Variants in CHD5 observed in about 807,000 individuals in gnomAD.
CHD5 encodes the protein chromodomain helicase DNA binding protein 5.
CHD5 carries 69 observed loss-of-function variants against 230.3 expected under a neutral mutation model. The observed-to-expected ratio is 0.30, with a 90% CI of 0.25 to 0.37. The LOEUF (loss-of-function observed/expected upper bound fraction) is 0.37. Ranked by LOEUF, CHD5 falls within the 10% of genes least tolerant of loss-of-function variation. The pLI, the probability that CHD5 is intolerant of heterozygous loss-of-function variation, is 1.00. For synonymous variants in CHD5, 1,064 were observed against 1,065.9 expected (o/e 1.00, Z 0.03); for missense variants, 1,827 against 2,622.8 (o/e 0.70, Z 6.63).
rs935033485 is a variant in CHD5 at position 6,123,982 on chromosome 1, A to G, written c.4665T>C (p.Pro1555=). 18 of 1,603,094 alleles carry G rather than the reference A, an allele frequency of 1.1e-5. No homozygotes were observed. The highest frequency in any genetic ancestry group is 1.4e-5 in the Non-Finnish European group (16 of 1,176,572). Residue 1555 remains proline, a synonymous_variant, in exon 31 of 42, where the codon CCT becomes CCC. Transcript: ENST00000262450. The part of the protein sequence containing the change: ...SDPNTPVPAS[P]AHLLPAPLGL... The stretch of plus-strand genomic sequence containing the variant: ...CCAGCGGGGCTGGCAGGAGGTGGGC[A>G]GGGCTGGCGGGCACTGGTGTGTTGG...
rs755374710 is a variant in CHD5 at position 6,142,453 on chromosome 1, C to T, written c.2196G>A (p.Thr732=). 8.7e-6 allele frequency: 14 copies of T among 1,613,784 alleles called. 1 individual carries two copies. The South Asian group carries it at 1.1e-4, about 13-fold the overall frequency. The change falls in exon 14 of 42, where the codon ACG becomes ACA. Residue 732 remains threonine (T), a synonymous_variant. Coordinates refer to ENST00000262450, the MANE Select transcript of CHD5 (RefSeq NM_015557.3). This position sits in a 1 kb window ranked among gnomAD's most constrained non-coding sequence, Gnocchi z 5.2. ...ILADEMGLGK[T]VQTIVFLYSL... is the part of the protein sequence containing the mutation. ...AGTAAAGGAACACGATGGTCTGCAC[C>T]GTCTTGCCCAGACCCATCTCATCGG...
At chr1:6,148,190 A>G (rs72632538) in intron 9 of CHD5, among the ~76,000 whole-genome samples, 14,864 of 152,212 alleles carry the variant, frequency 0.098, 920 homozygotes, top group African/African-American at 0.17. Flanking sequence ...TGAGGGGTGG[A>G]GGATCTGGCA....
At chr1:6,159,026 A>AAAAG (rs1667123365) in intron 3 of CHD5, among the ~76,000 whole-genome samples, 1 of 147,160 alleles carries the variant, frequency 6.8e-6, no homozygotes, top group African/African-American at 2.5e-5. Flanking sequence ...AAAAAAAAAA[A>AAAAG]GAGATGGGGA....
rs955638803 is a variant in CHD5, at chr1:6,126,185, C to G, written c.4079-327G>C. On this transcript the variant is annotated intron_variant, in intron 26 of 41. Transcript: ENST00000262450. The surrounding 1 kb of genome is among the most constrained non-coding windows in gnomAD (Gnocchi z 5.7). ...AGCACCTCTGCACCTGCCCCCAGTC[C>G]CCTTTCCTCCAAAAAGCTGCCTCCC... Among the ~76,000 whole-genome samples the G allele has an allele frequency of 6.6e-6, 1 of 152,176 alleles. No individual in the cohort carries two copies. Among genetic ancestry groups the G allele is most frequent in the African/African-American group, 2.4e-5 (1 of 41,440 alleles).
At chr1:6,127,548 C>T (rs1296900301) in intron 25 of CHD5, among the ~76,000 whole-genome samples, 1 of 150,968 alleles carries the variant, frequency 6.6e-6, no homozygotes, top group East Asian at 1.9e-4. Context: ...GGTGCAGGGC[C>T]GAGATGCAGG....
chr1:6,127,974 G>A (rs1428262883), intron 25 of CHD5, 72 bp downstream of exon 25: 26 of 1,354,722 alleles, frequency 1.9e-5, no homozygotes, highest in East Asian at 2.5e-5. Context: ...AGTGGAAGGC[G>A]TGGACACAGT....
intron 1 of CHD5, among the ~76,000 whole-genome samples, chr1:6,169,817 C>G (rs552046886): frequency 1.8e-4 from 28 of 152,286 alleles, no homozygotes; most frequent in African/African-American, 6.7e-4. Context: ...TCTCCACCAT[C>G]CCCTGTGCAC....
chr1:6,115,024 A>AG (rs1557538226), intron 33 of CHD5, among the ~76,000 whole-genome samples: 15 of 151,228 alleles, frequency 9.9e-5, no homozygotes, highest in East Asian at 3.9e-4. Context: ...AAAAAAAAAA[A>AG]AGGGGGGGGC....
chr1:6,163,898 A>C (rs2100877968), intron 2 of CHD5, among the ~76,000 whole-genome samples: 2 of 152,308 alleles, frequency 1.3e-5, no homozygotes, highest in South Asian at 4.1e-4. Flanking sequence ...AGGCGTGACT[A>C]CAGGGGACGC....
rs997707324 is a variant in CHD5 at position 6,146,152 on chromosome 1, A to G, written c.1802+60T>C. On this transcript the variant is annotated intron_variant, in intron 11 of 41. Transcript: ENST00000262450. This position sits in a 1 kb window ranked among gnomAD's most constrained non-coding sequence, Gnocchi z 5.1. ...CTGCGCTGCACCCATTTTACAGGGC[A>G]AAGAAGCTGACGTGGCCCGGCCCCA... is the stretch of plus-strand genomic sequence containing the variant. 2 of 1,556,476 alleles carry G rather than the reference A, an allele frequency of 1.3e-6. No individual in the cohort carries two copies. The highest frequency in any genetic ancestry group is 2.7e-5 in the African/African-American group (2 of 73,838).
intron 15 of CHD5, among the ~76,000 whole-genome samples, chr1:6,138,257 G>T (rs1032518213): frequency 2.4e-4 from 37 of 152,106 alleles, no homozygotes; most frequent in African/African-American, 8.9e-4. Flanking sequence ...GACATCTGTA[G>T]TCCCAGCTAC....
Position 6,155,660 on chromosome 1 carries a change from G to C in CHD5, c.445C>G (p.Leu149Val), listed in dbSNP as rs1273678454. 1 of 1,613,992 alleles carries C rather than the reference G, an allele frequency of 6.2e-7. No individual in the cohort carries two copies. The highest frequency in any genetic ancestry group is 1.1e-5 in the South Asian group (1 of 91,076). Residue 149 changes from leucine to valine, a missense_variant, in exon 4 of 42, where the codon CTG (leucine) becomes GTG (valine). Physicochemically the swap from Leu to Val is conservative, Grantham distance 32. Around this residue, in one of 14 missense-constraint regions of CHD5, gnomAD observed 657 missense variants for 816.4 expected, o/e 0.80. Transcript: ENST00000262450. This position sits in a 1 kb window ranked among gnomAD's most constrained non-coding sequence, Gnocchi z 4.0. ...GTGTGGTAATCCTCCTCCGAGAACA[G>C]GTAGTCCACGTCGTCCAGGCCCCAC... ...AEWGLDDVDY[L>V]FSEEDYHTLT... is the part of the protein sequence containing the mutation.
intron 20 of CHD5, among the ~76,000 whole-genome samples, chr1:6,132,027 C>T (rs1666665538): frequency 6.6e-6 from 1 of 152,184 alleles, no homozygotes; most frequent in Admixed American, 6.5e-5. Flanking sequence ...AATTAAGTTC[C>T]ATCTCACTGC....
At position 6,179,925 on chromosome 1, in the gene CHD5, C is replaced by A. The variant is rs750236652; in HGVS notation, c.79+20G>T. The A allele has an allele frequency of 3.1e-6, 4 of 1,273,330 alleles. No individual in the cohort carries two copies. Among genetic ancestry groups the A allele is most frequent in the South Asian group, 1.5e-5 (1 of 68,886 alleles). 78.9% of individuals were successfully genotyped at this position (1,273,330 alleles called of 1,614,324 possible). On this transcript the variant is annotated intron_variant, in intron 1 of 41. Transcript: ENST00000262450. ...GCGCCCCCGCCGCTCTGGCCCCAGG[C>A]GCACCCGCGCCCCGCTCACCTGACA...
At chr1:6,150,472 G>A (rs1276379349) in intron 7 of CHD5, among the ~76,000 whole-genome samples, 3 of 112,920 alleles carry the variant, frequency 2.7e-5, no homozygotes, top group Non-Finnish European at 5.7e-5. Context: ...ATGGACGGAC[G>A]GACGGACGGA....
At position 6,146,977 on chromosome 1, in the gene CHD5, T is replaced by C. The variant is rs956240076; in HGVS notation, c.1384-106A>G. 33 of 853,336 alleles carry C rather than the reference T, an allele frequency of 3.9e-5. No individual in the cohort carries two copies. The African/African-American group carries it at 5.5e-4, about 14-fold the overall frequency. 52.9% of individuals were successfully genotyped at this position (853,336 alleles called of 1,614,324 possible). A position where few individuals can be genotyped will look rare whatever the true frequency, so the allele number is the denominator to read the frequency against. ...GCAGGCTCCCTCCCATCAGTGCCAC[T>C]GCCCCCAAGTCAGAACAGTACCACG... On this transcript the variant is annotated intron_variant, in intron 9 of 41. Coordinates refer to ENST00000262450, the MANE Select transcript of CHD5 (RefSeq NM_015557.3). The surrounding 1 kb of genome is among the most constrained non-coding windows in gnomAD (Gnocchi z 5.1).
chr1:6,122,234 A>G (rs533521083), intron 31 of CHD5, among the ~76,000 whole-genome samples: 1 of 152,244 alleles, frequency 6.6e-6, no homozygotes, highest in Non-Finnish European at 1.5e-5. Context: ...TGTGAGGCCC[A>G]ACCGACGGAC....
chr1:6,109,494 G>A (rs982167535), intron 38 of CHD5, among the ~76,000 whole-genome samples: 2 of 152,216 alleles, frequency 1.3e-5, no homozygotes, highest in African/African-American at 2.4e-5. Context: ...TTTAAGTCAC[G>A]CTGTCAGGAC....
rs1174712644 is a variant in CHD5 at position 6,160,098 on chromosome 1, ACCCCAGCCAGGGAAGGG to A, written c.208-600_208-584del. ...GAAGGGCCCCAGCCAGAGAAGAAGA[ACCCCAGCCAGGGAAGGG>A]CCCCAGCCAGGGAAGGGCCCCAGCC... On this transcript the variant is annotated intron_variant, in intron 2 of 41. Transcript: ENST00000262450. Among the ~76,000 whole-genome samples, 576 of 112,374 alleles carry A rather than the reference ACCCCAGCCAGGGAAGGG, an allele frequency of 5.1e-3. 2 individuals carry two copies. Among genetic ancestry groups the A allele is most frequent in the East Asian group, 0.017 (63 of 3,758 alleles). 73.7% of individuals were successfully genotyped at this position (112,374 alleles called of 152,430 possible). A position where few individuals can be genotyped will look rare whatever the true frequency, so the allele number is the denominator to read the frequency against.
Sources: gnomAD v4.1 joint callset for allele counts (sites outside exome capture counted in the v4.1 genomes callset) on GRCh38, gnomAD v4.1.1 for gene constraint, gnomAD v4.1.1 regional missense constraint, Gnocchi (gnomAD v3.1) non-coding constraint, MANE v1.5 for transcripts, NCBI Gene and HGNC (gene_info 2026-07-23, HGNC 2026-07-21) for gene names.